Variants in PRDM15 observed in about 807,000 individuals in gnomAD.
PRDM15 encodes PR domain zinc finger protein 15.
In PRDM15, 64 loss-of-function variants were observed where a neutral mutation model predicts 128.6. The observed-to-expected ratio is 0.50, with a 90% confidence interval of 0.41 to 0.61. The LOEUF (loss-of-function observed/expected upper bound fraction) is 0.61, where lower values mean the gene tolerates loss of function less well. Among genes scored for constraint, PRDM15 ranks in the 20% least tolerant of loss-of-function variants. PRDM15 has a pLI of 0.00. For missense variants in PRDM15, 1,242 were observed against 1,569.1 expected, an observed-to-expected ratio of 0.79 and a Z score of 3.52; for synonymous variants, 615 against 621.8, an observed-to-expected ratio of 0.99 and a Z score of 0.16.
chr21:41,801,156 G>C lies in PRDM15; in HGVS notation c.*84C>G. The C allele has an allele frequency of 6.7e-7, 1 of 1,485,122 alleles. No homozygotes were observed. The highest frequency in any genetic ancestry group is 8.9e-7 in the Non-Finnish European group (1 of 1,123,392). The allele number at this position is 1,485,122 out of a possible 1,614,324, so 92.0% of individuals were successfully genotyped here. A position where few individuals can be genotyped will look rare whatever the true frequency, so the allele number is the denominator to read the frequency against. On this transcript the variant is annotated 3_prime_UTR_variant, in exon 24 of 24. Coordinates refer to ENST00000398548, the MANE Select transcript of PRDM15 (RefSeq NM_001040424.3). ...CTTACATTGCAATGTATGACTTTTTGTTTGTTTGGTATCCAGCAAACACAT... is the reference window on the plus strand; with the variant it reads ...CTTACATTGCAATGTATGACTTTTTCTTTGTTTGGTATCCAGCAAACACAT...
intron 8 of PRDM15, 89 bp from the exon 9 acceptor site, chr21:41,836,738 C>T: frequency 8.9e-7 from 1 of 1,120,660 alleles, no homozygotes; most frequent in Admixed American, 2.1e-5. Flanking sequence ...CCTTCCAAAA[C>T]TTCCCAGCTA....
At chr21:41,868,692 TTC>T (rs1212737986) in intron 1 of PRDM15, among the ~76,000 whole-genome samples, 3 of 97,850 alleles carry the variant, frequency 3.1e-5, no homozygotes, top group Non-Finnish European at 6.6e-5. Flanking sequence ...CTTTTTCTTT[TTC>T]TTTTTTTTTT....
At chr21:41,835,367 A>T in intron 11 of PRDM15, 70 bp downstream of exon 11, 1 of 1,275,242 alleles carries the variant, frequency 7.8e-7, no homozygotes, top group East Asian at 2.4e-5. Flanking sequence ...CTAAAGTTCC[A>T]CGGTCTCCGC....
intron 21 of PRDM15, among the ~76,000 whole-genome samples, chr21:41,808,956 C>T (rs1046949804): frequency 7.2e-5 from 11 of 152,230 alleles, no homozygotes; most frequent in South Asian, 2.1e-4. Context: ...AGCGGCAACT[C>T]GTGCCAGCCG....
rs148928641 is a variant in PRDM15 at position 41,832,593 on chromosome 21, C to A, written c.1366+2844G>T. 6.8e-4 allele frequency among the ~76,000 whole-genome samples: 104 copies of A among 152,246 alleles called. No individual in the cohort carries two copies. The highest frequency in any genetic ancestry group is 5.2e-3 in the East Asian group (27 of 5,186). ...GGGCCTCCTGAACAGCATAGGTGAG[C>A]CTCCCTCCCAGCCAGGCACTAAAGA... On this transcript the variant is annotated intron_variant, in intron 11 of 23. Coordinates refer to ENST00000398548, the MANE Select transcript of PRDM15 (RefSeq NM_001040424.3). This position sits in a 1 kb window ranked among gnomAD's most constrained non-coding sequence, Gnocchi z 4.2.
At position 41,837,983 on chromosome 21, in the gene PRDM15, C is replaced by G. The variant is rs772357675; in HGVS notation, c.952G>C (p.Val318Leu). Residue 318 changes from valine to leucine, a missense_variant, in exon 8 of 24, where the codon GTT becomes CTT. Coordinates refer to ENST00000398548, the MANE Select transcript of PRDM15 (RefSeq NM_001040424.3). ...ATPDERIMELVLGKLATTTTD... is the reference protein window; with the variant it reads ...ATPDERIMELLLGKLATTTTD... ...GTGGTGGTGGCCAGCTTCCCCAGAA[C>G]CAGCTCCATGATCCGCTCATCTGGC... 6.2e-7 allele frequency: 1 copy of G among 1,614,236 alleles called. No homozygotes were observed. Among genetic ancestry groups the G allele is most frequent in the Admixed American group, 1.7e-5 (1 of 60,034 alleles).
chr21:41,865,423 G>A (rs2063972582), intron 1 of PRDM15, among the ~76,000 whole-genome samples: 2 of 152,172 alleles, frequency 1.3e-5, no homozygotes, highest in South Asian at 4.1e-4. Flanking sequence ...TGCACAGTGG[G>A]ATATACTTGG....
At chr21:41,809,298 T>G (rs2146260503) in intron 21 of PRDM15, among the ~76,000 whole-genome samples, 1 of 148,818 alleles carries the variant, frequency 6.7e-6, no homozygotes, top group Non-Finnish European at 1.5e-5. Context: ...AGTGGCGCAA[T>G]CTCGGCTCAC....
intron 21 of PRDM15, among the ~76,000 whole-genome samples, chr21:41,806,054 CCACCATCACCATCACCACCACCAT>C (rs2061573311): frequency 1.4e-5 from 1 of 69,660 alleles, no homozygotes; most frequent in Non-Finnish European, 3.1e-5. Flanking sequence ...ATCACCACCA[CCACCATCACCATCACCACCACCAT>C]CACCACCACC....
intron 5 of PRDM15, among the ~76,000 whole-genome samples, chr21:41,853,103 C>T (rs993739300): frequency 3.3e-5 from 5 of 152,228 alleles, no homozygotes; most frequent in African/African-American, 7.2e-5. Flanking sequence ...TGACCGTGGG[C>T]GTGTGGCCTC....
rs777740850 is a variant in PRDM15, at chr21:41,799,662, G to A, written c.*1578C>T. 3 of 152,314 alleles carry A rather than the reference G, an allele frequency of 2.0e-5. No homozygotes were observed. The highest frequency in any genetic ancestry group is 2.1e-4 in the South Asian group (1 of 4,834). The allele number at this position is 152,314 out of a possible 1,614,324, so 9.4% of individuals were successfully genotyped here. On this transcript the variant is annotated 3_prime_UTR_variant, in exon 24 of 24. Transcript: ENST00000398548. ...TGGAGTGAAGTGCTGAGAAAGTTGC[G>A]TTTTGAAAAACACAATCATCCTTTG...
At chr21:41,851,679 TC>T (rs2063434545) in intron 5 of PRDM15, among the ~76,000 whole-genome samples, 1 of 151,898 alleles carries the variant, frequency 6.6e-6, no homozygotes. Context: ...CAGGGAAAGT[TC>T]CCCAGGGCAG....
Position 41,823,450 on chromosome 21 carries a change from CT to C in PRDM15, c.1630-2del, listed in dbSNP as rs1381979611. ...TCATATTGCTCCGGCAGGAGAACAC[CT>C]GTGGCAGAGGAGCCGCATGGTGAGG... On this transcript the variant is annotated splice_acceptor_variant, in intron 13 of 23. Coordinates refer to ENST00000398548, the MANE Select transcript of PRDM15 (RefSeq NM_001040424.3). LOFTEE classifies it high-confidence loss of function. 1 of 1,550,324 alleles carries C rather than the reference CT, an allele frequency of 6.5e-7. No homozygotes were observed. The highest frequency in any genetic ancestry group is 8.7e-7 in the Non-Finnish European group (1 of 1,147,200).
chr21:41,802,915 G>C lies in PRDM15; in HGVS notation c.2740C>G (p.Leu914Val), dbSNP rs748586610. ...GCCAAATCCTCCTGCTCCAGAGTCA[G>C]CTCAGGCTGCAGAAAAATCGGTTTC... is the stretch of plus-strand genomic sequence containing the variant. The part of the protein sequence containing the change: ...ASSIGIVQPE[L>V]TLEQEDLAEG... Residue 914 changes from leucine (L) to valine (V), a missense_variant, in exon 23 of 24, where the codon CTG (leucine) becomes GTG (valine). Transcript: ENST00000398548. The C allele has an allele frequency of 5.0e-6, 8 of 1,613,652 alleles. No individual in the cohort carries two copies. The highest frequency in any genetic ancestry group is 6.8e-6 in the Non-Finnish European group (8 of 1,179,962).
In PRDM15 at chr21:41,801,270, C is replaced by T; in HGVS notation, c.3396G>A (p.Glu1132=). The change falls in exon 24 of 24, where the codon GAG becomes GAA. Residue 1132 remains glutamate, a synonymous_variant. Transcript: ENST00000398548. ...QQAAQPQVQA[E]QQQQQMYSY ...AGCTGTACATCTGCTGCTGCTGCTG[C>T]TCCGCCTGCACCTGGGGCTGGGCCG... The T allele has an allele frequency of 4.5e-6, 7 of 1,539,198 alleles. No homozygotes were observed. The highest frequency in any genetic ancestry group is 1.8e-4 in the Middle Eastern group (1 of 5,658).
At chr21:41,855,009 C>T (rs111601746) in intron 4 of PRDM15, among the ~76,000 whole-genome samples, 191 bp from the exon 5 acceptor site, 3 of 152,136 alleles carry the variant, frequency 2.0e-5, no homozygotes, top group Non-Finnish European at 2.9e-5. Flanking sequence ...GTGGTTTGGA[C>T]GGGTCAGGTT....
At chr21:41,844,015 G>C (rs574928743) in intron 6 of PRDM15, among the ~76,000 whole-genome samples, 1 of 151,400 alleles carries the variant, frequency 6.6e-6, no homozygotes, top group African/African-American at 2.4e-5. Flanking sequence ...GGTTTGGTTT[G>C]GAAGTTACCC....
intron 8 of PRDM15, among the ~76,000 whole-genome samples, chr21:41,837,569 C>T (rs1486728001): frequency 6.6e-6 from 1 of 151,952 alleles, no homozygotes; most frequent in Non-Finnish European, 1.5e-5. Flanking sequence ...GTGCGGACAG[C>T]GTTTCAGCTT....
intron 3 of PRDM15, 91 bp from the exon 4 acceptor site, chr21:41,857,420 C>A: frequency 1.5e-6 from 2 of 1,341,084 alleles, no homozygotes; most frequent in South Asian, 1.3e-5. Context: ...CCTCACTGAC[C>A]GCCAGGGTTC....
Sources: allele counts gnomAD v4.1 joint callset (sites outside exome capture counted in the v4.1 genomes callset), GRCh38; gene constraint gnomAD v4.1.1; non-coding constraint Gnocchi (gnomAD v3.1); transcripts MANE v1.5; gene names NCBI Gene and HGNC (gene_info 2026-07-23, HGNC 2026-07-21).